Variants in ATRX observed in about 807,000 individuals in gnomAD.
ATRX encodes the protein ATRX chromatin remodeler, also known as chromatin remodeler ATRX.
ATRX carries 12 observed loss-of-function variants against 172.6 expected under a neutral mutation model. The ratio of observed to expected loss-of-function variants is 0.07; its 90% CI spans 0.04 to 0.11. The LOEUF (loss-of-function observed/expected upper bound fraction) is 0.11, where lower values mean the gene tolerates loss of function less well. ATRX is among the 10% of genes least tolerant of loss of function. The pLI is 1.00. For synonymous variants in ATRX, 674 were observed against 594.7 expected (o/e 1.13, Z -1.94); for missense variants, 1,368 against 1,767.4 (o/e 0.77, Z 4.05).
intron 15 of ATRX, among the ~76,000 whole-genome samples, chrX:77,649,507 C>G (rs1425368020): frequency 8.9e-6 from 1 of 112,118 alleles, no homozygotes; most frequent in East Asian, 2.8e-4. Flanking sequence ...GCTTAGGACA[C>G]AAGGTCATTA....
chrX:77,761,223 A>G (rs2075704385), intron 1 of ATRX, among the ~76,000 whole-genome samples: 1 of 111,541 alleles, frequency 9.0e-6, no homozygotes, highest in Admixed American at 9.7e-5. Flanking sequence ...TTTTAAAGGC[A>G]TTCTTCTTTT....
At chrX:77,694,544 G>C (rs1039439212) in intron 5 of ATRX, among the ~76,000 whole-genome samples, 2 of 110,872 alleles carry the variant, frequency 1.8e-5, no homozygotes, top group Non-Finnish European at 1.9e-5. Flanking sequence ...TTTAGCTGAA[G>C]TACCCTAACA....
At chrX:77,771,214 T>C (rs953092087) in intron 1 of ATRX, among the ~76,000 whole-genome samples, 12 of 110,025 alleles carry the variant, frequency 1.1e-4, no homozygotes, top group Admixed American at 7.8e-4. Context: ...CGGTCTCTAC[T>C]AAAAATACAA....
chrX:77,541,968 G>A (rs1443247552), intron 30 of ATRX, among the ~76,000 whole-genome samples: 1 of 111,326 alleles, frequency 9.0e-6, no homozygotes, highest in Admixed American at 9.6e-5. Flanking sequence ...TTCTGGCCAA[G>A]GCAATCAGGC....
chrX:77,513,447 A>G (rs2062947265), intron 34 of ATRX, among the ~76,000 whole-genome samples: 1 of 110,062 alleles, frequency 9.1e-6, no homozygotes, highest in Non-Finnish European at 1.9e-5. Context: ...TTCAGAGAGA[A>G]GGCAATGAGA....
At chrX:77,637,567 G>C (rs782332170) in intron 15 of ATRX, among the ~76,000 whole-genome samples, 2 of 110,613 alleles carry the variant, frequency 1.8e-5, no homozygotes, top group East Asian at 5.6e-4. Flanking sequence ...CAAAATACTA[G>C]TTTAGTAAAA....
At chrX:77,748,223 T>C (rs1295073287) in intron 1 of ATRX, among the ~76,000 whole-genome samples, 1 of 112,016 alleles carries the variant, frequency 8.9e-6, no homozygotes. Flanking sequence ...GGAAAGCTTC[T>C]CAAGACACAT....
At chrX:77,777,844 T>C (rs1333002426) in intron 1 of ATRX, among the ~76,000 whole-genome samples, 1 of 110,759 alleles carries the variant, frequency 9.0e-6, no homozygotes, top group Non-Finnish European at 1.9e-5. Flanking sequence ...TATTTAAAAG[T>C]AGGTAATACT....
Position 77,636,005 on chromosome X carries a change from A to G in ATRX, c.4609T>C (p.Leu1537=). The change falls in exon 16 of 35, where the codon TTG becomes CTG. Residue 1537 remains leucine (L), a synonymous_variant. Coordinates refer to ENST00000373344, the MANE Select transcript of ATRX (RefSeq NM_000489.6). ...GTTTCTTCATCTTCATCTAAAACCA[A>G]CTTGGTTGTTATTGGACACTTGGTG... ...SPTKCPITTK[L]VLDEDEETKE... The G allele has an allele frequency of 8.3e-7, 1 of 1,210,014 alleles. No individual in the cohort carries two copies. Among genetic ancestry groups the G allele is most frequent in the African/African-American group, 1.7e-5 (1 of 57,866 alleles).
chrX:77,713,142 C>CA (rs1210629345), intron 2 of ATRX, among the ~76,000 whole-genome samples: 1 of 110,908 alleles, frequency 9.0e-6, no homozygotes, highest in African/African-American at 3.3e-5. Flanking sequence ...AGTGAGACTC[C>CA]ATCTCAAAAA....
chrX:77,783,715 TA>T (rs1195963852), intron 1 of ATRX, among the ~76,000 whole-genome samples: 1 of 111,952 alleles, frequency 8.9e-6, no homozygotes, highest in Non-Finnish European at 1.9e-5. Context: ...ACTCAAGCAT[TA>T]CCTGTCAGAT....
intron 1 of ATRX, among the ~76,000 whole-genome samples, chrX:77,778,050 G>A (rs533412978): frequency 4.7e-5 from 5 of 107,047 alleles, no homozygotes; most frequent in East Asian, 2.9e-4. Context: ...CAGAAGAATC[G>A]CTTGAACCCA....
At chrX:77,590,484 C>T (rs1363486544) in intron 26 of ATRX, among the ~76,000 whole-genome samples, 1 of 108,148 alleles carries the variant, frequency 9.2e-6, no homozygotes, top group African/African-American at 3.4e-5. Context: ...CTGTGGTGGG[C>T]GCCCGTAGTC....
At chrX:77,771,964 C>T (rs2076165415) in intron 1 of ATRX, among the ~76,000 whole-genome samples, 2 of 111,591 alleles carry the variant, frequency 1.8e-5, no homozygotes, top group African/African-American at 6.5e-5. Flanking sequence ...TTGAGACAAT[C>T]TGTTCTAAAA....
intron 1 of ATRX, among the ~76,000 whole-genome samples, chrX:77,728,668 A>C (rs1255820244): frequency 1.8e-5 from 2 of 111,627 alleles, no homozygotes; most frequent in African/African-American, 6.5e-5. Flanking sequence ...TTTACAAAAC[A>C]AATTGGCAAA....
Position 77,640,786 on chromosome X carries a change from G to A in ATRX, c.4558-4730C>T, listed in dbSNP as rs782569398. Among the ~76,000 whole-genome samples, 7 of 111,137 alleles carry A rather than the reference G, an allele frequency of 6.3e-5. No individual in the cohort carries two copies. In the South Asian group the frequency reaches 2.7e-3, roughly 43 times the overall value. On this transcript the variant is annotated intron_variant, in intron 15 of 34. Transcript: ENST00000373344. ...GTCAGGCTGAGATGACTGAAGTTGTGGGGCAGAACTACAAAGAAAAAAGAG... is the reference window on the plus strand; with the variant it reads ...GTCAGGCTGAGATGACTGAAGTTGTAGGGCAGAACTACAAAGAAAAAAGAG...
intron 10 of ATRX, among the ~76,000 whole-genome samples, chrX:77,668,433 T>G (rs923420546): frequency 8.9e-6 from 1 of 111,812 alleles, no homozygotes; most frequent in Non-Finnish European, 1.9e-5. Flanking sequence ...TCCAGGACGA[T>G]GTACTGCCCC....
chrX:77,630,389 A>G (rs1394398003), intron 19 of ATRX, among the ~76,000 whole-genome samples: 1 of 112,160 alleles, frequency 8.9e-6, no homozygotes, highest in Non-Finnish European at 1.9e-5. Flanking sequence ...TATAAAAGCC[A>G]ATCATCAAAT....
At chrX:77,710,301 T>TAA (rs781803603) in intron 2 of ATRX, among the ~76,000 whole-genome samples, 8 of 74,207 alleles carry the variant, frequency 1.1e-4, no homozygotes, top group African/African-American at 2.4e-4. Context: ...TCCATTTCAA[T>TAA]AAAAAAAAAA....
Sources: gnomAD v4.1 joint callset for allele counts (sites outside exome capture counted in the v4.1 genomes callset) on GRCh38, gnomAD v4.1.1 for gene constraint, MANE v1.5 for transcripts, NCBI Gene and HGNC (gene_info 2026-07-23, HGNC 2026-07-21) for gene names.